The following LPXN variants were observed in gnomAD, a reference collection of about 807,000 sequenced individuals.
LPXN encodes the protein leupaxin.
In LPXN, 28 loss-of-function variants were observed where a neutral mutation model predicts 45.6. That is an observed-to-expected ratio of 0.61 (90% CI 0.45 to 0.84). The LOEUF (loss-of-function observed/expected upper bound fraction) is 0.84. Among genes scored for constraint, LPXN ranks in the 40% least tolerant of loss-of-function variants. The pLI, the probability that LPXN is intolerant of heterozygous loss-of-function variation, is 0.00. For synonymous variants in LPXN, 166 were observed against 169.9 expected (o/e 0.98, Z 0.18); for missense variants, 459 against 475.0 (o/e 0.97, Z 0.31).
chr11:58,526,880 C>T lies in LPXN; in HGVS notation c.*574G>A, dbSNP rs1320308606. 6.5e-6 allele frequency: 1 copy of T among 154,064 alleles called. No homozygotes were observed. Among genetic ancestry groups the T allele is most frequent in the African/African-American group, 2.4e-5 (1 of 41,432 alleles). The allele number at this position is 154,064 out of a possible 1,614,324, so 9.5% of individuals were successfully genotyped here. On this transcript the variant is annotated 3_prime_UTR_variant, in exon 9 of 9. Transcript: ENST00000395074. Reference sequence around the variant, plus strand: ...CAAATATGACAATGAGTTATTGAAACCACAAGCCAGTTTATTTATCAATGA... The same window carrying T: ...CAAATATGACAATGAGTTATTGAAATCACAAGCCAGTTTATTTATCAATGA...
At chr11:58,554,986 A>G (rs775477044) in intron 3 of LPXN, 46 bp from the exon 4 acceptor site, 4 of 1,220,616 alleles carry the variant, frequency 3.3e-6, no homozygotes, top group African/African-American at 3.0e-5. Flanking sequence ...TCAAAACTCA[A>G]ATAATGTTAA....
At chr11:58,562,030 A>G (rs1474104011) in intron 3 of LPXN, among the ~76,000 whole-genome samples, 1 of 152,228 alleles carries the variant, frequency 6.6e-6, no homozygotes, top group African/African-American at 2.4e-5. Flanking sequence ...TCAGTAACAC[A>G]TATCACAAGA....
intron 4 of LPXN, among the ~76,000 whole-genome samples, chr11:58,553,651 C>A (rs1236050188): frequency 6.6e-6 from 1 of 152,128 alleles, no homozygotes; most frequent in East Asian, 1.9e-4. Context: ...AAGATAAGGT[C>A]CCTGCCCTCT....
Position 58,530,253 on chromosome 11 carries a change from C to T in LPXN, c.743-2062G>A, listed in dbSNP as rs138357624. 8.0e-3 allele frequency among the ~76,000 whole-genome samples: 1,225 copies of T among 152,326 alleles called. 5 individuals are homozygous for T. The highest frequency in any genetic ancestry group is 0.012 in the Non-Finnish European group (797 of 68,026). Reference sequence around the variant, plus strand: ...AGCCAGGGAGCCAAGTGGCCTGGCTCGGTAGGTCCCACCCCCATGGAGCCC... The same window carrying T: ...AGCCAGGGAGCCAAGTGGCCTGGCTTGGTAGGTCCCACCCCCATGGAGCCC... On this transcript the variant is annotated intron_variant, in intron 7 of 8. Transcript: ENST00000395074.
chr11:58,563,487 T>C (rs1259876940), intron 3 of LPXN, among the ~76,000 whole-genome samples: 1 of 152,248 alleles, frequency 6.6e-6, no homozygotes, highest in Non-Finnish European at 1.5e-5. Flanking sequence ...CATGAATCTT[T>C]ACTATCTATA....
chr11:58,552,137 G>C (rs1018424569), intron 4 of LPXN, among the ~76,000 whole-genome samples: 1 of 152,140 alleles, frequency 6.6e-6, no homozygotes, highest in Non-Finnish European at 1.5e-5. Flanking sequence ...TAGCTGAGTG[G>C]AGAACTAAGT....
chr11:58,566,981 G>T (rs113309988), intron 2 of LPXN, among the ~76,000 whole-genome samples: 206 of 151,780 alleles, frequency 1.4e-3, no homozygotes, highest in African/African-American at 4.9e-3. Context: ...AAGTTTTGTA[G>T]ATCAGTTACT....
chr11:58,531,897 T>A (rs1197958176), intron 7 of LPXN, among the ~76,000 whole-genome samples: 1 of 152,250 alleles, frequency 6.6e-6, no homozygotes, highest in Admixed American at 6.5e-5. Context: ...AGCCCCACTC[T>A]GGGCTGGCTG....
chr11:58,569,343 C>T (rs979344115), intron 2 of LPXN, among the ~76,000 whole-genome samples: 1 of 151,920 alleles, frequency 6.6e-6, no homozygotes, highest in African/African-American at 2.4e-5. Flanking sequence ...AGCTGTTTTA[C>T]TTGATAGCTT....
At chr11:58,527,778 C>A in intron 8 of LPXN, 55 bp from the exon 9 acceptor site, 1 of 1,536,290 alleles carries the variant, frequency 6.5e-7, no homozygotes, top group South Asian at 1.2e-5. Flanking sequence ...GGTAAAATGT[C>A]AGCAAAGTAA....
chr11:58,578,414 T>C (rs1854980986), upstream of LPXN, among the ~76,000 whole-genome samples: 1 of 152,158 alleles, frequency 6.6e-6, no homozygotes, highest in African/African-American at 2.4e-5. Context: ...ATGCCCTTGG[T>C]TAAGTTAACG....
intron 7 of LPXN, among the ~76,000 whole-genome samples, chr11:58,530,515 C>A (rs1853355834): frequency 6.6e-6 from 1 of 152,194 alleles, no homozygotes; most frequent in Non-Finnish European, 1.5e-5. Flanking sequence ...CTTTTCTGGG[C>A]AGGCCATCTC....
intron 7 of LPXN, among the ~76,000 whole-genome samples, chr11:58,543,412 T>A (rs746349105): frequency 6.6e-6 from 1 of 152,180 alleles, no homozygotes; most frequent in Non-Finnish European, 1.5e-5. Context: ...TACGTAAGAA[T>A]CCCTCCTTAG....
chr11:58,558,743 A>G (rs1420553194), intron 3 of LPXN, among the ~76,000 whole-genome samples: 1 of 151,852 alleles, frequency 6.6e-6, no homozygotes, highest in Non-Finnish European at 1.5e-5. Context: ...TACAAAATAA[A>G]TATGGATCCC....
At position 58,570,579 on chromosome 11, in the gene LPXN, G is replaced by C. The variant is rs750473028; in HGVS notation, c.148C>G (p.Gln50Glu). 5 of 1,612,858 alleles carry C rather than the reference G, an allele frequency of 3.1e-6. No individual in the cohort carries two copies. Among genetic ancestry groups the C allele is most frequent in the Non-Finnish European group, 1.7e-6 (2 of 1,179,636 alleles). Reference sequence around the variant, plus strand: ...ACCGGCAAGGGACTTGTGTTATCCTGAATAGAAAGGATCTCCGAAGTCTCA... The same window carrying C: ...ACCGGCAAGGGACTTGTGTTATCCTCAATAGAAAGGATCTCCGAAGTCTCA... The part of the protein sequence containing the change: ...LDETSEILSI[Q>E]DNTSPLPAQL... Residue 50 changes from glutamine (Q) to glutamate (E), a missense_variant, in exon 2 of 9, where the codon CAG becomes GAG. Transcript: ENST00000395074.
upstream of LPXN, chr11:58,577,876 C>CT (rs1854951701): frequency 1.0e-6 from 1 of 988,950 alleles, no homozygotes; most frequent in Non-Finnish European, 1.4e-6. Flanking sequence ...AGTAGAAAAG[C>CT]AACTTTATAA....
At position 58,528,168 on chromosome 11, in the gene LPXN, GCTT is replaced by G; in HGVS notation, c.763_765del (p.Lys255del). 6.2e-7 allele frequency: 1 copy of G among 1,614,186 alleles called. No homozygotes were observed. Among genetic ancestry groups the G allele is most frequent in the Non-Finnish European group, 8.5e-7 (1 of 1,180,040 alleles). ...GCTAAGAAATCCTTTCGGCAATATG[GCTT>G]CTTGTCCTTCTCATGAAAGCCTGGA... On this transcript the variant is annotated inframe_deletion, in exon 8 of 9. Coordinates refer to ENST00000395074, the MANE Select transcript of LPXN (RefSeq NM_004811.3).
rs556722138 is a variant in LPXN at position 58,527,798 on chromosome 11, C to T, written c.892-75G>A. On this transcript the variant is annotated intron_variant, in intron 8 of 8. Coordinates refer to ENST00000395074, the MANE Select transcript of LPXN (RefSeq NM_004811.3). ...AATGTCAGCAAAGTAAAATTTTCAG[C>T]CTTGAAATTCCTGACAGTTACCTGC... 376 of 1,415,658 alleles carry T rather than the reference C, an allele frequency of 2.7e-4. 3 individuals are homozygous for T. The South Asian group carries it at 4.5e-3, about 17-fold the overall frequency. The allele number at this position is 1,415,658 out of a possible 1,614,324, so 87.7% of individuals were successfully genotyped here. A position where few individuals can be genotyped will look rare whatever the true frequency, so the allele number is the denominator to read the frequency against.
chr11:58,532,952 C>T (rs186781135), intron 7 of LPXN, among the ~76,000 whole-genome samples: 20 of 152,224 alleles, frequency 1.3e-4, no homozygotes, highest in East Asian at 5.8e-4. Context: ...CTGAGGCCAG[C>T]GAGACCACGA....
Sources: allele counts gnomAD v4.1 joint callset (sites outside exome capture counted in the v4.1 genomes callset), GRCh38; gene constraint gnomAD v4.1.1; transcripts MANE v1.5; gene names NCBI Gene and HGNC (gene_info 2026-07-23, HGNC 2026-07-21).